S100PBP: variants seen among roughly 807,000 people sequenced by gnomAD.
S100PBP encodes the protein S100P-binding protein.
In S100PBP, 15 loss-of-function variants were observed where a neutral mutation model predicts 39.9. The observed-to-expected ratio is 0.38, with a 90% CI of 0.25 to 0.58. The LOEUF (loss-of-function observed/expected upper bound fraction) is 0.58, where lower values mean the gene tolerates loss of function less well. Among genes scored for constraint, S100PBP ranks in the 20% least tolerant of loss-of-function variants. The probability of loss-of-function intolerance (pLI) is 0.70; values close to 1 mark genes in which losing one functional copy is unlikely to be tolerated. For missense variants in S100PBP, 504 were observed against 487.3 expected (o/e 1.03, Z -0.32); for synonymous variants, 178 against 180.3 (o/e 0.99, Z 0.10).
rs1487129088 is a variant in S100PBP, at chr1:32,827,981, T to G, written c.832-12T>G. On this transcript the variant is annotated splice_polypyrimidine_tract_variant and intron_variant, in intron 3 of 6. Coordinates refer to ENST00000373475, the MANE Select transcript of S100PBP (RefSeq NM_022753.4). The stretch of plus-strand genomic sequence containing the variant: ...ATCACCTTTCCTTTTGCATTCCTTT[T>G]CCTCAAAAAAGCAGGATGTTCTTAA... The G allele has an allele frequency of 1.9e-6, 3 of 1,582,836 alleles. No individual in the cohort carries two copies. In the African/African-American group the frequency reaches 4.0e-5, roughly 21 times the overall value.
In S100PBP at chr1:32,856,287, G is replaced by GT. The variant is rs371955241; in HGVS notation, c.*256dup. The GT allele has an allele frequency of 6.3e-5, 14 of 221,224 alleles. No individual in the cohort carries two copies. Among genetic ancestry groups the GT allele is most frequent in the East Asian group, 1.9e-4 (2 of 10,372 alleles). 13.7% of individuals were successfully genotyped at this position (221,224 alleles called of 1,614,324 possible). ...CGTTCGGTTGGTATAGTTTTTTTTTGTTTTTTTAATTTAAATTGAAGGTAG... is the reference window on the plus strand; with the variant it reads ...CGTTCGGTTGGTATAGTTTTTTTTTGTTTTTTTTAATTTAAATTGAAGGTAG... On this transcript the variant is annotated 3_prime_UTR_variant, in exon 7 of 7. Coordinates refer to ENST00000373475, the MANE Select transcript of S100PBP (RefSeq NM_022753.4).
chr1:32,823,618 CT>C (rs1639185338), intron 1 of S100PBP, among the ~76,000 whole-genome samples: 1 of 152,150 alleles, frequency 6.6e-6, no homozygotes, highest in African/African-American at 2.4e-5. Flanking sequence ...CATTTCATTT[CT>C]AATATGAGTA....
chr1:32,832,270 C>G (rs1639635258), intron 5 of S100PBP, among the ~76,000 whole-genome samples: 1 of 84,134 alleles, frequency 1.2e-5, no homozygotes, highest in African/African-American at 4.6e-5. Context: ...GATATTTTTT[C>G]ATACTGAAGT....
At chr1:32,848,560 C>T (rs1407221758) in intron 5 of S100PBP, among the ~76,000 whole-genome samples, 6 of 152,160 alleles carry the variant, frequency 3.9e-5, no homozygotes, top group Non-Finnish European at 8.8e-5. Flanking sequence ...GTCATTATGT[C>T]ATTAGCCAGC....
At chr1:32,847,993 C>T (rs1429979974) in intron 5 of S100PBP, among the ~76,000 whole-genome samples, 2 of 151,868 alleles carry the variant, frequency 1.3e-5, no homozygotes, top group Non-Finnish European at 2.9e-5. Context: ...ACCGTAGAGC[C>T]GAACTACACG....
chr1:32,824,771 C>G (rs987598192), intron 1 of S100PBP: 1 of 148,670 alleles, frequency 6.7e-6, no homozygotes, highest in Non-Finnish European at 1.5e-5. Context: ...ACGTTGTGCC[C>G]AGGCTTGTGT....
rs185264833 is a variant in S100PBP at position 32,842,051 on chromosome 1, T to A, written c.1025-11028T>A. 1.7e-3 allele frequency among the ~76,000 whole-genome samples: 255 copies of A among 151,268 alleles called. 2 individuals carry two copies. Among genetic ancestry groups the A allele is most frequent in the African/African-American group, 6.0e-3 (246 of 41,232 alleles). On this transcript the variant is annotated intron_variant, in intron 5 of 6. Transcript: ENST00000373475. Reference sequence around the variant, plus strand: ...AAAAAATTAAAAGGTTAGCCGGGCATGGTGACATACACCTGTAGTCCTTGC... The same window carrying A: ...AAAAAATTAAAAGGTTAGCCGGGCAAGGTGACATACACCTGTAGTCCTTGC...
intron 3 of S100PBP, among the ~76,000 whole-genome samples, chr1:32,827,626 C>T (rs1187775039): frequency 6.6e-6 from 1 of 152,044 alleles, no homozygotes; most frequent in Non-Finnish European, 1.5e-5. Context: ...GGATTACAAA[C>T]ATGCACCACC....
chr1:32,849,020 AT>A (rs1276306438), intron 5 of S100PBP, among the ~76,000 whole-genome samples: 3 of 152,220 alleles, frequency 2.0e-5, no homozygotes, highest in African/African-American at 7.2e-5. Context: ...GCATCTCTAA[AT>A]TTGGAGGAAG....
chr1:32,827,670 G>A (rs996755664), intron 3 of S100PBP, among the ~76,000 whole-genome samples: 3 of 151,804 alleles, frequency 2.0e-5, no homozygotes, highest in Non-Finnish European at 2.9e-5. Flanking sequence ...TAGTGGAGAC[G>A]GTGTTTCACC....
chr1:32,840,914 A>G (rs1328581277), intron 5 of S100PBP, among the ~76,000 whole-genome samples: 1 of 151,752 alleles, frequency 6.6e-6, no homozygotes, highest in Non-Finnish European at 1.5e-5. Flanking sequence ...TAATCCCAGC[A>G]CTTTGGGAGG....
At position 32,826,187 on chromosome 1, in the gene S100PBP, G is replaced by A; in HGVS notation, c.88G>A (p.Asp30Asn). 6.2e-7 allele frequency: 1 copy of A among 1,614,106 alleles called. No homozygotes were observed. Among genetic ancestry groups the A allele is most frequent in the African/African-American group, 1.3e-5 (1 of 75,016 alleles). ...DGAPFSWDSL[D>N]EDGLDDSLLE... Reference sequence around the variant, plus strand: ...TGCCCCATTTTCTTGGGATTCCTTGGATGAGGATGGATTGGATGACTCCTT... The same window carrying A: ...TGCCCCATTTTCTTGGGATTCCTTGAATGAGGATGGATTGGATGACTCCTT... The change falls in exon 3 of 7, where the codon GAT becomes AAT. Residue 30 changes from aspartate to asparagine, a missense_variant. Physicochemically the swap from Asp to Asn is conservative, Grantham distance 23 (BLOSUM62 1). Coordinates refer to ENST00000373475, the MANE Select transcript of S100PBP (RefSeq NM_022753.4).
At chr1:32,850,224 T>C (rs1201836087) in intron 5 of S100PBP, among the ~76,000 whole-genome samples, 1 of 152,236 alleles carries the variant, frequency 6.6e-6, no homozygotes, top group Non-Finnish European at 1.5e-5. Flanking sequence ...TAGATAATCT[T>C]GTGGTTCCAT....
At chr1:32,833,783 C>A (rs1349418257) in intron 5 of S100PBP, among the ~76,000 whole-genome samples, 1 of 152,100 alleles carries the variant, frequency 6.6e-6, no homozygotes, top group Admixed American at 6.5e-5. Flanking sequence ...TGATAATTAT[C>A]TTTCCTGTAA....
chr1:32,835,458 A>G (rs1639775232), intron 5 of S100PBP: 2 of 152,180 alleles, frequency 1.3e-5, no homozygotes, highest in African/African-American at 2.4e-5. Flanking sequence ...TTTTAAGTGC[A>G]CAATTCAGTA....
intron 5 of S100PBP, among the ~76,000 whole-genome samples, chr1:32,831,625 G>A (rs1243539623): frequency 6.6e-6 from 1 of 151,822 alleles, no homozygotes; most frequent in African/African-American, 2.4e-5. Flanking sequence ...TACTTACACT[G>A]ATTTCTTAGC....
intron 5 of S100PBP, among the ~76,000 whole-genome samples, chr1:32,848,103 TC>T (rs1397144275): frequency 1.3e-5 from 2 of 152,010 alleles, no homozygotes; most frequent in Admixed American, 6.6e-5. Flanking sequence ...AGTCAGGAGT[TC>T]GAGACCAGCC....
intron 5 of S100PBP, among the ~76,000 whole-genome samples, chr1:32,843,924 C>CTT (rs1640234386): frequency 6.7e-6 from 1 of 150,322 alleles, no homozygotes; most frequent in Admixed American, 6.6e-5. Context: ...CTTTTTTTTT[C>CTT]TTTTTTTGAG....
rs1640891976 is a variant in S100PBP, at chr1:32,858,255, G to A, written c.*2217G>A. ...GGTTTTAAGACTGAATGTGTAATAG[G>A]AGCACTGCCTTTGCCAAATCAAATG... On this transcript the variant is annotated 3_prime_UTR_variant, in exon 7 of 7. Transcript: ENST00000373475. 6.6e-6 allele frequency: 1 copy of A among 152,636 alleles called. No homozygotes were observed. The highest frequency in any genetic ancestry group is 6.5e-5 in the Admixed American group (1 of 15,284). The allele number at this position is 152,636 out of a possible 1,614,324, so 9.5% of individuals were successfully genotyped here.
Sources: gnomAD v4.1 joint callset for allele counts (sites outside exome capture counted in the v4.1 genomes callset) on GRCh38, gnomAD v4.1.1 for gene constraint, MANE v1.5 for transcripts, NCBI Gene and HGNC (gene_info 2026-07-23, HGNC 2026-07-21) for gene names.